RPL6: variants seen among roughly 807,000 people sequenced by gnomAD.
The protein encoded by RPL6 is large ribosomal subunit protein eL6.
Under a neutral mutation model 32.1 loss-of-function variants are expected in RPL6, and 1 was observed. The ratio of observed to expected loss-of-function variants is 0.03; its 90% CI spans 0.01 to 0.15. The LOEUF is 0.15. Ranked by LOEUF, RPL6 falls within the 10% of genes least tolerant of loss-of-function variation. The probability of loss-of-function intolerance (pLI) is 1.00; values close to 1 mark genes in which losing one functional copy is unlikely to be tolerated. For synonymous variants in RPL6, 126 were observed against 131.6 expected (o/e 0.96, Z 0.29); for missense variants, 275 against 354.6 (o/e 0.78, Z 1.80).
At chr12:112,416,704 G>A (rs1195884985) in intron 1 of RPL6, among the ~76,000 whole-genome samples, 5 of 152,066 alleles carry the variant, frequency 3.3e-5, no homozygotes, top group Non-Finnish European at 7.4e-5. Context: ...ATGAGCTACC[G>A]CGCCCCGAGT....
At chr12:112,418,115 G>A (rs936175979) in intron 1 of RPL6, among the ~76,000 whole-genome samples, 1 of 152,042 alleles carries the variant, frequency 6.6e-6, no homozygotes, top group Non-Finnish European at 1.5e-5. Context: ...AAGCAGCTGG[G>A]ACTACAGGCG....
rs1431214306 is a variant in RPL6 at position 112,405,893 on chromosome 12, G to A, written c.674C>T (p.Pro225Leu). 1 of 1,613,830 alleles carries A rather than the reference G, an allele frequency of 6.2e-7. No homozygotes were observed. Among genetic ancestry groups the A allele is most frequent in the South Asian group, 1.1e-5 (1 of 91,062 alleles). ...AYFKKKKLRK[P>L]RHQEGEIFDT... ...GAAGATCTCACCTTCCTGGTGTCTG[G>A]GCTTCCGCAGCTTCTTCTTCTTGAA... is the stretch of plus-strand genomic sequence containing the variant. Residue 225 changes from proline (P) to leucine (L), a missense_variant, in exon 6 of 7, where the codon CCC becomes CTC. Transcript: ENST00000202773.
Position 112,405,367 on chromosome 12 carries a change from T to C in RPL6, c.724A>G (p.Ile242Val). The C allele has an allele frequency of 6.2e-7, 1 of 1,603,676 alleles. No homozygotes were observed. The highest frequency in any genetic ancestry group is 8.5e-7 in the Non-Finnish European group (1 of 1,177,858). ...IFDTEKEKYE[I>V]TEQRKIDQKA... is the part of the protein sequence containing the mutation. ...TGATCAATCTTGCGCTGCTCCGTAA[T>C]CTCATATTTCTAAATAAAGAGAAAA... The change falls in exon 7 of 7, where the codon ATT becomes GTT. Residue 242 changes from isoleucine (I) to valine (V), a missense_variant. By Grantham distance (29) the Ile-to-Val change is conservative. Coordinates refer to ENST00000202773, the MANE Select transcript of RPL6 (RefSeq NM_000970.6).
At chr12:112,406,706 A>G (rs1007710548) in intron 4 of RPL6, 41 bp downstream of exon 4, 1 of 1,609,532 alleles carries the variant, frequency 6.2e-7, no homozygotes, top group Non-Finnish European at 8.5e-7. Flanking sequence ...CAGGCACCCC[A>G]GGCAGCTGCA....
At chr12:112,418,813 C>T (rs1312459020) in exon 1 of RPL6, 2 of 469,528 alleles carry the variant, frequency 4.3e-6, no homozygotes, top group East Asian at 7.7e-5. Flanking sequence ...CTGCCATTCC[C>T]GGCCGTCGCT....
upstream of RPL6, chr12:112,410,355 T>C (rs2037321227): frequency 7.0e-6 from 2 of 285,216 alleles, no homozygotes; most frequent in South Asian, 4.1e-5. Context: ...CTCTTGTACA[T>C]GGCCTTTCTC....
chr12:112,409,401 T>G, intron 1 of RPL6, 186 bp downstream of exon 1: 2 of 398,378 alleles, frequency 5.0e-6, no homozygotes, highest in Non-Finnish European at 8.8e-6. Flanking sequence ...ACTACGGCAT[T>G]CTACCTCACC....
At chr12:112,406,191 G>A (rs1305365365) in intron 5 of RPL6, 103 bp downstream of exon 5, 1 of 1,229,764 alleles carries the variant, frequency 8.1e-7, no homozygotes. Context: ...GACACTTGTG[G>A]CAATAAGTGT....
chr12:112,418,625 G>A (rs1438210630), intron 1 of RPL6: 7 of 275,450 alleles, frequency 2.5e-5, no homozygotes, highest in South Asian at 1.3e-4. Flanking sequence ...AGGTTCCACA[G>A]CTAATGAGTG....
upstream of RPL6, among the ~76,000 whole-genome samples, chr12:112,413,989 T>G (rs1258846696): frequency 6.6e-6 from 1 of 152,032 alleles, no homozygotes. Flanking sequence ...GATAGAAGCA[T>G]GAAGAGGCAG....
chr12:112,411,151 G>C (rs145939505), upstream of RPL6: 1 of 152,294 alleles, frequency 6.6e-6, no homozygotes, highest in Non-Finnish European at 1.5e-5. Context: ...AGATTAAAGA[G>C]ATGATTAATG....
At chr12:112,408,942 A>G (rs1437516961) in intron 1 of RPL6, 1 of 392,146 alleles carries the variant, frequency 2.6e-6, no homozygotes, top group Non-Finnish European at 4.5e-6. Context: ...AAGTCCGTAC[A>G]ACCATTATTT....
intron 1 of RPL6, among the ~76,000 whole-genome samples, chr12:112,417,895 C>T (rs2037440226): frequency 6.6e-6 from 1 of 151,798 alleles, no homozygotes; most frequent in South Asian, 2.1e-4. Context: ...TGGACTCAAG[C>T]GATTCGCCCG....
At chr12:112,406,554 AC>A in intron 4 of RPL6, 192 bp downstream of exon 4, 1 of 851,950 alleles carries the variant, frequency 1.2e-6, no homozygotes, top group Non-Finnish European at 1.8e-6. Flanking sequence ...AACATAATCA[AC>A]AGCAGGAAAT....
Position 112,408,556 on chromosome 12 carries a change from G to A in RPL6, c.101C>T (p.Ala34Val), listed in dbSNP as rs1423708820. The A allele has an allele frequency of 1.2e-6, 2 of 1,607,792 alleles. No homozygotes were observed. The highest frequency in any genetic ancestry group is 2.7e-5 in the African/African-American group (2 of 75,016). ...GGKVKKGNLKAKKPKKGKPHC... is the reference protein window; with the variant it reads ...GGKVKKGNLKVKKPKKGKPHC... ...GGGCTTCCCCTTCTTGGGCTTTTTA[G>A]CTTTGAGGTTACCCTTTTTCACCTT... Residue 34 changes from alanine to valine, a missense_variant, in exon 2 of 7, where the codon GCT (alanine) becomes GTT (valine). Transcript: ENST00000202773.
chr12:112,412,670 C>T (rs1179711978), upstream of RPL6, among the ~76,000 whole-genome samples: 1 of 152,006 alleles, frequency 6.6e-6, no homozygotes, highest in African/African-American at 2.4e-5. Flanking sequence ...GAGACAGGGT[C>T]TCACAATGTT....
At chr12:112,409,198 G>GA in intron 1 of RPL6, 2 of 353,638 alleles carry the variant, frequency 5.7e-6, no homozygotes, top group Non-Finnish European at 1.0e-5. Flanking sequence ...TGGGAGACGC[G>GA]AAACCTTTTG....
chr12:112,414,081 G>A (rs987190915), upstream of RPL6, among the ~76,000 whole-genome samples: 1 of 152,222 alleles, frequency 6.6e-6, no homozygotes, highest in Non-Finnish European at 1.5e-5. Context: ...TTAAGTTGGA[G>A]TTTAACCTTG....
intron 1 of RPL6, among the ~76,000 whole-genome samples, chr12:112,417,980 T>C (rs147488516): frequency 6.7e-6 from 1 of 149,726 alleles, no homozygotes; most frequent in South Asian, 2.1e-4. Context: ...GTATTTATTG[T>C]AATTATTATT....
Sources: gnomAD v4.1 joint callset for allele counts (sites outside exome capture counted in the v4.1 genomes callset) on GRCh38, gnomAD v4.1.1 for gene constraint, MANE v1.5 for transcripts, NCBI Gene and HGNC (gene_info 2026-07-23, HGNC 2026-07-21) for gene names.